MR1: variants seen among roughly 807,000 people sequenced by gnomAD.
The protein encoded by MR1 is major histocompatibility complex class I-related protein 1.
MR1 carries 44 observed loss-of-function variants against 37.8 expected under a neutral mutation model. The ratio of observed to expected loss-of-function variants is 1.16; its 90% CI spans 0.91 to 1.50. The LOEUF (loss-of-function observed/expected upper bound fraction) is 1.50. Among genes scored for constraint, MR1 ranks in the 40% most tolerant of loss-of-function variants. The pLI, the probability that MR1 is intolerant of heterozygous loss-of-function variation, is 0.00. For missense variants in MR1, 386 were observed against 419.1 expected (o/e 0.92, Z 0.69); for synonymous variants, 153 against 155.8 (o/e 0.98, Z 0.13).
At chr1:181,045,315 T>C (rs1428540537) in intron 1 of MR1, among the ~76,000 whole-genome samples, 1 of 152,074 alleles carries the variant, frequency 6.6e-6, no homozygotes, top group Admixed American at 6.6e-5. Flanking sequence ...AAGAAAGCCA[T>C]TGTGGCTGCA....
Position 181,058,565 on chromosome 1 carries a change from G to A in MR1, c.*3300G>A, listed in dbSNP as rs1345371743. 6.6e-6 allele frequency: 1 copy of A among 152,136 alleles called. No homozygotes were observed. Among genetic ancestry groups the A allele is most frequent in the Non-Finnish European group, 1.5e-5 (1 of 68,036 alleles). 9.4% of individuals were successfully genotyped at this position (152,136 alleles called of 1,614,324 possible). On this transcript the variant is annotated 3_prime_UTR_variant, in exon 6 of 6. Transcript: ENST00000367580. The stretch of plus-strand genomic sequence containing the variant: ...CTCTTACTCCCATGATTTCCAAGTT[G>A]TGATCCTTTCCTTATTTCTGAGGAA...
At chr1:181,033,957 C>T (rs953341508), upstream of MR1, 1 of 1,552,844 alleles carries the variant, frequency 6.4e-7, no homozygotes, top group Non-Finnish European at 8.8e-7. Context: ...AAGAGGTTCT[C>T]AGAAGGGACC....
rs1658633669 is a variant in MR1 at position 181,056,569 on chromosome 1, C to T, written c.*1304C>T. 6.6e-6 allele frequency: 1 copy of T among 152,094 alleles called. No homozygotes were observed. The highest frequency in any genetic ancestry group is 2.4e-5 in the African/African-American group (1 of 41,400). The allele number at this position is 152,094 out of a possible 1,614,324, so 9.4% of individuals were successfully genotyped here. ...TGAGAATGAACATCCCCTTAATGTT[C>T]CTTACTATCCCCAACCCCTGAGGCC... On this transcript the variant is annotated 3_prime_UTR_variant, in exon 6 of 6. Transcript: ENST00000367580.
At chr1:181,048,208 C>T (rs534353664) in intron 1 of MR1, among the ~76,000 whole-genome samples, 2 of 145,022 alleles carry the variant, frequency 1.4e-5, no homozygotes, top group South Asian at 4.3e-4. Context: ...CAGAGCAAGA[C>T]TCCATCTCAA....
chr1:181,055,261 G>T lies in MR1; in HGVS notation c.1022G>T (p.Arg341Leu). Residue 341 changes from arginine (R) to leucine (L), a missense_variant, in exon 6 of 6, where the codon CGA (arginine) becomes CTA (leucine). Transcript: ENST00000367580. ...GCCATCTACCTTCCAACACCAGATCGATGATTGCAGATCCCTCTTTTCCAG... is the reference window on the plus strand; with the variant it reads ...GCCATCTACCTTCCAACACCAGATCTATGATTGCAGATCCCTCTTTTCCAG... ...NGAIYLPTPD[R>L] 1 of 1,612,754 alleles carries T rather than the reference G, an allele frequency of 6.2e-7. No homozygotes were observed. Among genetic ancestry groups the T allele is most frequent in the Non-Finnish European group, 8.5e-7 (1 of 1,178,818 alleles).
chr1:181,046,397 C>A (rs1430271045), intron 1 of MR1, among the ~76,000 whole-genome samples: 1 of 152,210 alleles, frequency 6.6e-6, no homozygotes, highest in African/African-American at 2.4e-5. Context: ...CCAATCAGCA[C>A]CCTGTGTCTA....
In MR1 at chr1:181,057,261, T is replaced by C. The variant is rs1157465179; in HGVS notation, c.*1996T>C. The C allele has an allele frequency of 1.3e-5, 2 of 152,288 alleles. No individual in the cohort carries two copies. Among genetic ancestry groups the C allele is most frequent in the African/African-American group, 4.8e-5 (2 of 41,476 alleles). 9.4% of individuals were successfully genotyped at this position (152,288 alleles called of 1,614,324 possible). ...CTCTCTTTTCCGGTGCCTGTTGAGT[T>C]GCATAGAAGCACAGTTGTGTTTATT... On this transcript the variant is annotated 3_prime_UTR_variant, in exon 6 of 6. Coordinates refer to ENST00000367580, the MANE Select transcript of MR1 (RefSeq NM_001385161.1).
chr1:181,045,402 C>T (rs1161047768), intron 1 of MR1, among the ~76,000 whole-genome samples: 1 of 152,108 alleles, frequency 6.6e-6, no homozygotes, highest in African/African-American at 2.4e-5. Flanking sequence ...TCCCAGGCAT[C>T]GCCTCTGCCC....
intron 3 of MR1, chr1:181,050,621 A>T: frequency 3.0e-6 from 1 of 330,222 alleles, no homozygotes; most frequent in Non-Finnish European, 5.8e-6. Context: ...CTGTTTAGTT[A>T]ACAAAGGGCT....
intron 1 of MR1, among the ~76,000 whole-genome samples, chr1:181,036,190 GT>G (rs957029053): frequency 1.3e-5 from 2 of 152,208 alleles, no homozygotes; most frequent in Admixed American, 1.3e-4. Context: ...CTTCTTCATG[GT>G]TCTAGCTCCC....
intron 1 of MR1, among the ~76,000 whole-genome samples, chr1:181,046,912 G>A (rs571704574): frequency 6.6e-6 from 1 of 152,038 alleles, no homozygotes; most frequent in African/African-American, 2.4e-5. Flanking sequence ...GAGCCAGCGA[G>A]AGCACCAACC....
In MR1 at chr1:181,061,914, T is replaced by A. The variant is rs1342407430; in HGVS notation, c.*6649T>A. 6.6e-6 allele frequency: 1 copy of A among 152,204 alleles called. No individual in the cohort carries two copies. Among genetic ancestry groups the A allele is most frequent in the East Asian group, 1.9e-4 (1 of 5,196 alleles). 9.4% of individuals were successfully genotyped at this position (152,204 alleles called of 1,614,324 possible). Reference sequence around the variant, plus strand: ...TTCAGCTGTATTAACATTCTCCATCTAATAAACTTTATCTTGTCATTGCAT... The same window carrying A: ...TTCAGCTGTATTAACATTCTCCATCAAATAAACTTTATCTTGTCATTGCAT... On this transcript the variant is annotated 3_prime_UTR_variant, in exon 6 of 6. Coordinates refer to ENST00000367580, the MANE Select transcript of MR1 (RefSeq NM_001385161.1).
chr1:181,051,811 T>A (rs979094967), intron 3 of MR1, among the ~76,000 whole-genome samples: 6 of 152,208 alleles, frequency 3.9e-5, no homozygotes, highest in African/African-American at 9.7e-5. Context: ...ATGGCTGTGT[T>A]ATTTACGTGC....
Position 181,050,171 on chromosome 1 carries a change from G to A in MR1, c.489G>A (p.Gln163=), listed in dbSNP as rs1411674138. 16 of 1,614,082 alleles carry A rather than the reference G, an allele frequency of 9.9e-6. No individual in the cohort carries two copies. The highest frequency in any genetic ancestry group is 6.7e-5 in the Admixed American group (4 of 60,008). ...AVDNVAHTIK[Q]AWEANQHELL... Reference sequence around the variant, plus strand: ...ATAATGTGGCTCACACCATCAAGCAGGCATGGGAGGCCAATCAGCATGAGT... The same window carrying A: ...ATAATGTGGCTCACACCATCAAGCAAGCATGGGAGGCCAATCAGCATGAGT... The change falls in exon 3 of 6, where the codon CAG becomes CAA. Residue 163 remains glutamine, a synonymous_variant. Transcript: ENST00000367580.
chr1:181,047,300 TAA>T (rs111452459), intron 1 of MR1, among the ~76,000 whole-genome samples: 46 of 145,822 alleles, frequency 3.2e-4, no homozygotes, highest in African/African-American at 1.1e-3. Flanking sequence ...CACTGTGCTT[TAA>T]AAAAAAAAAA....
At position 181,061,507 on chromosome 1, in the gene MR1, T is replaced by C. The variant is rs1288476173; in HGVS notation, c.*6242T>C. The C allele has an allele frequency of 1.3e-5, 2 of 149,980 alleles. No homozygotes were observed. The highest frequency in any genetic ancestry group is 3.9e-4 in the East Asian group (2 of 5,094). The allele number at this position is 149,980 out of a possible 1,614,324, so 9.3% of individuals were successfully genotyped here. On this transcript the variant is annotated 3_prime_UTR_variant, in exon 6 of 6. Coordinates refer to ENST00000367580, the MANE Select transcript of MR1 (RefSeq NM_001385161.1). ...AATGAATTGAATTGAAAGGGAGGAG[T>C]GATGGTGGAAAAAAAAACAAGTCAA...
In MR1 at chr1:181,049,521, C is replaced by T. The variant is rs757980563; in HGVS notation, c.328+209C>T. ...TCCCCCAGGAGCACTCTGTCATTTG[C>T]CCCACCCACTCTTCCCCATCTCTGT... On this transcript the variant is annotated intron_variant, in intron 2 of 5. Coordinates refer to ENST00000367580, the MANE Select transcript of MR1 (RefSeq NM_001385161.1). The T allele has an allele frequency of 4.7e-5, 29 of 614,878 alleles. 1 individual carries two copies. Among genetic ancestry groups the T allele is most frequent in the Middle Eastern group, 4.4e-4 (1 of 2,288 alleles). 38.1% of individuals were successfully genotyped at this position (614,878 alleles called of 1,614,324 possible).
At position 181,055,243 on chromosome 1, in the gene MR1, A is replaced by G. The variant is rs1165462997; in HGVS notation, c.1004A>G (p.Tyr335Cys). The change falls in exon 6 of 6, where the codon TAC (tyrosine) becomes TGC (cysteine). Residue 335 changes from tyrosine (Y) to cysteine (C), a missense_variant. Transcript: ENST00000367580. The stretch of plus-strand genomic sequence containing the variant: ...CTTTCAGAGCAAAATGGAGCCATCT[A>G]CCTTCCAACACCAGATCGATGATTG... ...RRPREQNGAIYLPTPDR is the reference protein window; with the variant it reads ...RRPREQNGAICLPTPDR The G allele has an allele frequency of 3.1e-6, 5 of 1,613,546 alleles. No individual in the cohort carries two copies. The African/African-American group carries it at 6.7e-5, about 22-fold the overall frequency.
intron 1 of MR1, 95 bp downstream of exon 1, chr1:181,034,169 G>A: frequency 3.3e-6 from 4 of 1,206,650 alleles, no homozygotes; most frequent in Non-Finnish European, 4.7e-6. Context: ...GAAAAATATA[G>A]AAGCCAGGGG....
Sources: allele counts gnomAD v4.1 joint callset (sites outside exome capture counted in the v4.1 genomes callset), GRCh38; gene constraint gnomAD v4.1.1; transcripts MANE v1.5; gene names NCBI Gene and HGNC (gene_info 2026-07-23, HGNC 2026-07-21).